Variants in LRRC37A2 observed in about 807,000 individuals in gnomAD.
LRRC37A2 encodes leucine rich repeat containing 37 member A2.
LRRC37A2 carries 9 observed loss-of-function variants against 68.8 expected under a neutral mutation model. That is an observed-to-expected ratio of 0.13 (90% CI 0.08 to 0.23). The LOEUF (loss-of-function observed/expected upper bound fraction) is 0.23, where lower values mean the gene tolerates loss of function less well. LRRC37A2 is among the 10% of genes least tolerant of loss of function. The pLI is 1.00. For synonymous variants in LRRC37A2, 63 were observed against 367.6 expected (o/e 0.17, Z 9.48); for missense variants, 168 against 950.4 (o/e 0.18, Z 10.82).
chr17:46,712,989 T>C, the LRRC37A2 span, among the ~76,000 whole-genome samples: 2 of 152,150 alleles, frequency 1.3e-5, no homozygotes, highest in African/African-American at 4.8e-5. Flanking sequence ...TGGGAGCCTG[T>C]TCAGTGTAAT....
At chr17:46,823,172 ATT>A in the LRRC37A2 span, among the ~76,000 whole-genome samples, 6 of 129,622 alleles carry the variant, frequency 4.6e-5, no homozygotes, top group South Asian at 4.5e-4. Context: ...TATATTATAT[ATT>A]TATATATAAT....
chr17:47,030,913 G>A, the LRRC37A2 span, among the ~76,000 whole-genome samples: 6 of 152,222 alleles, frequency 3.9e-5, no homozygotes, highest in African/African-American at 9.6e-5. Flanking sequence ...GTGGTTGATC[G>A]ATGATGAATT....
chr17:46,822,226 G>C, the LRRC37A2 span, among the ~76,000 whole-genome samples: 3 of 152,056 alleles, frequency 2.0e-5, no homozygotes, highest in Non-Finnish European at 4.4e-5. Context: ...GAACCGCAGA[G>C]CGGTTTTAGG....
the LRRC37A2 span, among the ~76,000 whole-genome samples, chr17:46,822,779 C>T: frequency 3.5e-3 from 528 of 152,192 alleles, 4 homozygotes; most frequent in African/African-American, 0.012. Flanking sequence ...CAGGTGATGC[C>T]GGTCCAGGGC....
chr17:46,894,287 G>T, the LRRC37A2 span, among the ~76,000 whole-genome samples: 1 of 152,192 alleles, frequency 6.6e-6, no homozygotes, highest in Non-Finnish European at 1.5e-5. Flanking sequence ...ACTTCACAGC[G>T]GGCAATGTGA....
At chr17:47,015,081 C>T in the LRRC37A2 span, among the ~76,000 whole-genome samples, 1,036 of 146,754 alleles carry the variant, frequency 7.1e-3, 27 homozygotes, top group East Asian at 0.047. Context: ...GATCTCAGCT[C>T]ATTGCAACCT....
the LRRC37A2 span, among the ~76,000 whole-genome samples, chr17:46,479,533 A>G: frequency 9.4e-6 from 1 of 105,862 alleles, no homozygotes; most frequent in Non-Finnish European, 2.1e-5. Flanking sequence ...TTTGAAACAG[A>G]GTCTTACTCT....
the LRRC37A2 span, among the ~76,000 whole-genome samples, chr17:46,568,491 C>A: frequency 3.5e-5 from 4 of 113,096 alleles, no homozygotes; most frequent in Admixed American, 1.8e-4. Flanking sequence ...GTGGAATAAG[C>A]AGTTAAAAAA....
the LRRC37A2 span, among the ~76,000 whole-genome samples, chr17:46,812,760 G>C: frequency 6.6e-6 from 1 of 152,214 alleles, no homozygotes; most frequent in East Asian, 1.9e-4. Flanking sequence ...AAATCTGGGA[G>C]GGCTTCTTGG....
the LRRC37A2 span, among the ~76,000 whole-genome samples, chr17:46,990,483 G>A: frequency 6.6e-6 from 1 of 152,130 alleles, no homozygotes; most frequent in African/African-American, 2.4e-5. Flanking sequence ...AATCTTGAAG[G>A]ATCTTCCCCC....
the LRRC37A2 span, among the ~76,000 whole-genome samples, chr17:46,858,752 G>A: frequency 6.6e-6 from 1 of 152,026 alleles, no homozygotes; most frequent in African/African-American, 2.4e-5. Flanking sequence ...CTACAGCCTC[G>A]ACCTTCTGGA....
At chr17:46,543,915 G>A (rs543862475) in intron 8 of LRRC37A2, among the ~76,000 whole-genome samples, 5 of 147,498 alleles carry the variant, frequency 3.4e-5, no homozygotes, top group African/African-American at 8.0e-5. Flanking sequence ...CCAGGAGTTC[G>A]AGACCAGCCT....
chr17:46,763,499 T>C, the LRRC37A2 span: 1 of 152,206 alleles, frequency 6.6e-6, no homozygotes, highest in Non-Finnish European at 1.5e-5. Flanking sequence ...TTTACTCACA[T>C]TGGCCCCAGA....
At chr17:46,944,625 CCT>C in the LRRC37A2 span, among the ~76,000 whole-genome samples, 1 of 144,214 alleles carries the variant, frequency 6.9e-6, no homozygotes, top group African/African-American at 2.6e-5. Context: ...TTTTTTTTTT[CCT>C]CTCATTCTGT....
At chr17:46,922,715 A>T in the LRRC37A2 span, 1 of 163,064 alleles carries the variant, frequency 6.1e-6, no homozygotes, top group Non-Finnish European at 1.3e-5. Flanking sequence ...TGAGTAGACA[A>T]ATGCGAAACA....
chr17:46,550,771 G>A (rs1239488222), intron 11 of LRRC37A2, among the ~76,000 whole-genome samples: 2 of 74,532 alleles, frequency 2.7e-5, no homozygotes, highest in East Asian at 2.4e-4. Context: ...TTAAGAAGTC[G>A]AAAATTTCTC....
chr17:46,758,666 AAT>A, the LRRC37A2 span, among the ~76,000 whole-genome samples: 2 of 152,212 alleles, frequency 1.3e-5, no homozygotes, highest in African/African-American at 4.8e-5. Flanking sequence ...TAAAGTCAGA[AAT>A]ATGTTTTTAC....
At chr17:46,557,225 G>A (rs1477384425), downstream of LRRC37A2, 1 of 543,572 alleles carries the variant, frequency 1.8e-6, no homozygotes, top group Non-Finnish European at 3.2e-6. Flanking sequence ...CACTACCCCA[G>A]ATAGGAAAAC....
At chr17:46,409,120 T>C in the LRRC37A2 span, 1 of 418,906 alleles carries the variant, frequency 2.4e-6, no homozygotes, top group Non-Finnish European at 4.2e-6. Flanking sequence ...AGCATTGCAT[T>C]CAGTTTACCT....
Sources: gnomAD v4.1 joint callset for allele counts (sites outside exome capture counted in the v4.1 genomes callset) on GRCh38, gnomAD v4.1.1 for gene constraint, MANE v1.5 for transcripts, NCBI Gene and HGNC (gene_info 2026-07-23, HGNC 2026-07-21) for gene names.